The following CALN1 variants were observed in gnomAD, a reference collection of about 807,000 sequenced individuals.
The protein encoded by CALN1 is calneuron 1, also known as calcium-binding protein 8.
A neutral mutation model predicts 30.6 loss-of-function variants in CALN1; 17 were observed. The observed-to-expected ratio is 0.56, with a 90% CI of 0.38 to 0.83. The LOEUF (loss-of-function observed/expected upper bound fraction) is 0.83, where lower values mean the gene tolerates loss of function less well. Among genes scored for constraint, CALN1 ranks in the 40% least tolerant of loss-of-function variants. The probability of loss-of-function intolerance (pLI) is 0.00; values close to 1 mark genes in which losing one functional copy is unlikely to be tolerated. For synonymous variants in CALN1, 156 were observed against 131.4 expected, an observed-to-expected ratio of 1.19 and a Z score of -1.28; for missense variants, 291 against 354.9, an observed-to-expected ratio of 0.82 and a Z score of 1.45.
At chr7:72,204,932 C>G (rs74794250) in intron 3 of CALN1, among the ~76,000 whole-genome samples, 4 of 152,024 alleles carry the variant, frequency 2.6e-5, no homozygotes, top group Non-Finnish European at 5.9e-5. Context: ...AAATTCCATA[C>G]CAAAAAATTC....
At chr7:71,858,113 T>C (rs957166950) in intron 5 of CALN1, among the ~76,000 whole-genome samples, 2 of 152,128 alleles carry the variant, frequency 1.3e-5, no homozygotes, top group Non-Finnish European at 2.9e-5. Context: ...AGGGACCCTG[T>C]GGGAAGTAAT....
At chr7:71,968,237 C>T (rs572914067) in intron 5 of CALN1, among the ~76,000 whole-genome samples, 198 of 152,276 alleles carry the variant, frequency 1.3e-3, no homozygotes, top group African/African-American at 4.5e-3. Context: ...CACATCCACA[C>T]TGATGAATCT....
At position 72,068,829 on chromosome 7, in the gene CALN1, C is replaced by T. The variant is rs937440121; in HGVS notation, c.388+37322G>A. On this transcript the variant is annotated intron_variant, in intron 4 of 6. Coordinates refer to ENST00000395275, the MANE Select transcript of CALN1 (RefSeq NM_031468.4). ...CATATTTTTTGTTGGATTAATAATA[C>T]TCACTTAGCTACCTGACACAAGATG... Among the ~76,000 whole-genome samples the T allele has an allele frequency of 3.3e-5, 5 of 152,102 alleles. No homozygotes were observed. The East Asian group carries it at 5.8e-4, about 18-fold the overall frequency.
At chr7:71,871,535 C>T (rs1791927621) in intron 5 of CALN1, among the ~76,000 whole-genome samples, 1 of 152,082 alleles carries the variant, frequency 6.6e-6, no homozygotes, top group Non-Finnish European at 1.5e-5. Context: ...TCACTCGAGG[C>T]CAGGAAAGTT....
intron 5 of CALN1, among the ~76,000 whole-genome samples, chr7:71,929,134 C>T (rs777283473): frequency 1.3e-5 from 2 of 152,278 alleles, no homozygotes; most frequent in East Asian, 3.9e-4. Flanking sequence ...ATTTTTCCAA[C>T]TTTTAAGTTC....
At chr7:72,415,453 G>C (rs997089229), upstream of CALN1, among the ~76,000 whole-genome samples, 1 of 152,256 alleles carries the variant, frequency 6.6e-6, no homozygotes, top group Non-Finnish European at 1.5e-5. Context: ...CTATGAGTGA[G>C]TATGGCCCGG....
chr7:72,080,992 A>G (rs1805098833), intron 4 of CALN1, among the ~76,000 whole-genome samples: 1 of 152,054 alleles, frequency 6.6e-6, no homozygotes, highest in East Asian at 1.9e-4. Context: ...CTAATCTGGA[A>G]TTGGTTTCAG....
At chr7:71,793,717 CACAG>C in intron 6 of CALN1, among the ~76,000 whole-genome samples, 1 of 152,044 alleles carries the variant, frequency 6.6e-6, no homozygotes, top group African/African-American at 2.4e-5. Context: ...ACTAAAAATA[CACAG>C]AAAAATTAAC....
chr7:72,158,324 A>G (rs1206727290), intron 3 of CALN1, among the ~76,000 whole-genome samples: 1 of 152,214 alleles, frequency 6.6e-6, no homozygotes, highest in Non-Finnish European at 1.5e-5. Flanking sequence ...GAAAGGAAGC[A>G]AGACCAGAAA....
chr7:72,414,206 G>A (rs1415435100), upstream of CALN1, among the ~76,000 whole-genome samples: 1 of 152,136 alleles, frequency 6.6e-6, no homozygotes, highest in Non-Finnish European at 1.5e-5. Context: ...GCTGGAGCCA[G>A]AGGCCCATGG....
the CALN1 span, among the ~76,000 whole-genome samples, chr7:72,499,781 CCTT>C: frequency 2.5e-5 from 1 of 39,528 alleles, no homozygotes; most frequent in Non-Finnish European, 4.4e-5. Flanking sequence ...TTCTTTCCTT[CCTT>C]CCTTCCTTCC....
In CALN1 at chr7:72,278,413, C is replaced by CA. The variant is rs1169597058; in HGVS notation, c.244+272dup. Among the ~76,000 whole-genome samples the CA allele has an allele frequency of 5.3e-5, 8 of 151,844 alleles. No individual in the cohort carries two copies. The South Asian group carries it at 1.2e-3, about 24-fold the overall frequency. The stretch of plus-strand genomic sequence containing the variant: ...TTAAGAGAGGTGAAGGCTATCCCCC[C>CA]AGTCACTATCCAAGGAAACCGAAAT... On this transcript the variant is annotated intron_variant, in intron 3 of 6. Transcript: ENST00000395275.
At chr7:71,879,362 T>C (rs970564479) in intron 5 of CALN1, among the ~76,000 whole-genome samples, 1 of 152,186 alleles carries the variant, frequency 6.6e-6, no homozygotes, top group Non-Finnish European at 1.5e-5. Flanking sequence ...ACCTAGAAGA[T>C]AAGCCTACTT....
At chr7:72,331,999 C>T (rs529686393) in intron 2 of CALN1, among the ~76,000 whole-genome samples, 1 of 152,224 alleles carries the variant, frequency 6.6e-6, no homozygotes, top group Non-Finnish European at 1.5e-5. Context: ...TGGCCTCCAG[C>T]TCCATCCATG....
At chr7:71,863,886 T>C (rs533089151) in intron 5 of CALN1, among the ~76,000 whole-genome samples, 1 of 152,188 alleles carries the variant, frequency 6.6e-6, no homozygotes, top group South Asian at 2.1e-4. Context: ...CACGCATGCA[T>C]AGCTAACTGT....
chr7:71,826,626 G>A (rs1353706251), intron 5 of CALN1, among the ~76,000 whole-genome samples: 1 of 152,148 alleles, frequency 6.6e-6, no homozygotes, highest in Non-Finnish European at 1.5e-5. Flanking sequence ...ATGTTGGAGG[G>A]GACAGGGGAC....
chr7:72,398,303 G>A (rs1024140276), intron 2 of CALN1, among the ~76,000 whole-genome samples: 4 of 152,176 alleles, frequency 2.6e-5, no homozygotes, highest in African/African-American at 4.8e-5. Context: ...CAGAGCAGGG[G>A]TGGGAGGGAA....
chr7:72,318,494 G>T (rs1800640569), intron 2 of CALN1, among the ~76,000 whole-genome samples: 1 of 152,090 alleles, frequency 6.6e-6, no homozygotes, highest in Admixed American at 6.6e-5. Flanking sequence ...GATGACAGAG[G>T]ATCAAATGTA....
At chr7:71,869,731 A>T (rs1164162903) in intron 5 of CALN1, among the ~76,000 whole-genome samples, 1 of 152,206 alleles carries the variant, frequency 6.6e-6, no homozygotes, top group Non-Finnish European at 1.5e-5. Context: ...CTGAATATTC[A>T]TGAAGTAGTA....
Sources: allele counts gnomAD v4.1 joint callset (sites outside exome capture counted in the v4.1 genomes callset), GRCh38; gene constraint gnomAD v4.1.1; transcripts MANE v1.5; gene names NCBI Gene and HGNC (gene_info 2026-07-23, HGNC 2026-07-21).